The following CCNJL variants were observed in gnomAD, a reference collection of about 807,000 sequenced individuals.
CCNJL encodes cyclin J like.
CCNJL carries 33 observed loss-of-function variants against 33.4 expected under a neutral mutation model. The ratio of observed to expected loss-of-function variants is 0.99; its 90% CI spans 0.75 to 1.32. The LOEUF is 1.32. Among genes scored for constraint, CCNJL ranks in the 40% most tolerant of loss-of-function variants. The pLI is 0.00. For missense variants in CCNJL, 512 were observed against 499.7 expected, an observed-to-expected ratio of 1.02 and a Z score of -0.23; for synonymous variants, 227 against 220.9, an observed-to-expected ratio of 1.03 and a Z score of -0.24.
chr5:160,301,102 A>G (rs1398053334), intron 2 of CCNJL, among the ~76,000 whole-genome samples: 1 of 152,242 alleles, frequency 6.6e-6, no homozygotes, highest in South Asian at 2.1e-4. Context: ...CAGCAGTGCT[A>G]TATAAAATCA....
At chr5:160,296,226 C>G (rs898203946) in intron 2 of CCNJL, among the ~76,000 whole-genome samples, 8 of 152,214 alleles carry the variant, frequency 5.3e-5, no homozygotes, top group Non-Finnish European at 1.0e-4. Context: ...AGATAACATA[C>G]ACAAGGCACT....
intron 3 of CCNJL, among the ~76,000 whole-genome samples, chr5:160,265,870 A>G (rs1051468859): frequency 3.3e-5 from 5 of 152,012 alleles, no homozygotes; most frequent in Admixed American, 2.0e-4. Context: ...AAAAAAAAAA[A>G]AAAAAAGAAA....
intron 1 of CCNJL, 47 bp downstream of exon 1, chr5:160,312,317 C>T (rs1763294163): frequency 3.6e-6 from 1 of 279,642 alleles, no homozygotes; most frequent in Non-Finnish European, 6.8e-6. Flanking sequence ...GCCGCCCAGC[C>T]TTTGTCCTGC....
chr5:160,282,968 T>TATATATATAC (rs1554120710), intron 2 of CCNJL, among the ~76,000 whole-genome samples: 29 of 25,866 alleles, frequency 1.1e-3, no homozygotes, highest in Non-Finnish European at 1.9e-3. Context: ...GTCCTTGGAA[T>TATATATATAC]ATATATATAT....
chr5:160,280,978 C>G (rs1762191127), intron 2 of CCNJL: 1 of 615,916 alleles, frequency 1.6e-6, no homozygotes, highest in Non-Finnish European at 2.9e-6. Context: ...GCCAGTCATT[C>G]CTTCCCATGG....
chr5:160,305,005 G>A (rs773593823), intron 2 of CCNJL, among the ~76,000 whole-genome samples: 3 of 151,840 alleles, frequency 2.0e-5, no homozygotes, highest in Admixed American at 1.3e-4. Flanking sequence ...TAGTAGAGAC[G>A]GGGCTTCACC....
chr5:160,328,178 G>A (rs1763563538), intron 1 of CCNJL, among the ~76,000 whole-genome samples: 1 of 152,226 alleles, frequency 6.6e-6, no homozygotes, highest in Non-Finnish European at 1.5e-5. Flanking sequence ...GATTGTGAGG[G>A]ACTTTCCTGT....
chr5:160,327,636 G>T (rs1763553486), intron 1 of CCNJL, among the ~76,000 whole-genome samples: 1 of 152,198 alleles, frequency 6.6e-6, no homozygotes, highest in South Asian at 2.1e-4. Flanking sequence ...AGAGGATATG[G>T]CCCCCGTCCT....
intron 3 of CCNJL, among the ~76,000 whole-genome samples, chr5:160,272,514 C>G (rs565700294): frequency 6.6e-6 from 1 of 152,172 alleles, no homozygotes; most frequent in South Asian, 2.1e-4. Context: ...CAAAGGCTCT[C>G]GTGGCTGGGA....
chr5:160,283,069 TATGAATACTC>T (rs1395117592), intron 2 of CCNJL, among the ~76,000 whole-genome samples: 1 of 141,848 alleles, frequency 7.0e-6, no homozygotes, highest in Non-Finnish European at 1.5e-5. Context: ...AAAACTTGTA[TATGAATACTC>T]ACAGCAGCAT....
At chr5:160,299,836 AT>A (rs5872638) in intron 2 of CCNJL, among the ~76,000 whole-genome samples, 39,723 of 144,172 alleles carry the variant, frequency 0.28, 5,356 homozygotes, top group South Asian at 0.36. Flanking sequence ...AATTGCTTGG[AT>A]TTTTTTTTTT....
intron 2 of CCNJL, among the ~76,000 whole-genome samples, chr5:160,294,303 G>T (rs1762681751): frequency 6.6e-6 from 1 of 152,186 alleles, no homozygotes; most frequent in Non-Finnish European, 1.5e-5. Context: ...CAACATTCTT[G>T]AGAGGGTGGC....
chr5:160,321,012 C>CTTTCTTTCTTTCTT (rs1554124992), intron 1 of CCNJL, among the ~76,000 whole-genome samples: 3 of 71,952 alleles, frequency 4.2e-5, no homozygotes, highest in Admixed American at 1.5e-4. Context: ...CTCTCTCTCT[C>CTTTCTTTCTTTCTT]TCTTTCTTTC....
At chr5:160,262,301 G>A (rs769419671) in intron 3 of CCNJL, among the ~76,000 whole-genome samples, 4 of 152,202 alleles carry the variant, frequency 2.6e-5, no homozygotes, top group African/African-American at 7.2e-5. Context: ...TCCCCTCCTC[G>A]CTTTTCAAAC....
chr5:160,289,775 G>A (rs1360726511), intron 2 of CCNJL, among the ~76,000 whole-genome samples: 1 of 152,196 alleles, frequency 6.6e-6, no homozygotes, highest in Non-Finnish European at 1.5e-5. Context: ...CCAGGCATGT[G>A]TCTGGTCCTT....
chr5:160,276,435 A>T (rs929070683), intron 3 of CCNJL: 1 of 145,208 alleles, frequency 6.9e-6, no homozygotes, highest in African/African-American at 2.7e-5. Flanking sequence ...AAAGAAAAAG[A>T]AAAAAAAAAG....
At chr5:160,311,020 T>C (rs1017972214) in intron 2 of CCNJL, among the ~76,000 whole-genome samples, 1 of 152,158 alleles carries the variant, frequency 6.6e-6, no homozygotes, top group African/African-American at 2.4e-5. Flanking sequence ...AACCAATCCA[T>C]TCACTACTTC....
Position 160,253,589 on chromosome 5 carries a change from G to T in CCNJL, c.953C>A (p.Ser318Ter), listed in dbSNP as rs1277882613. The change falls in exon 6 of 6, where the codon TCA (serine) becomes TAA (stop). Residue 318 changes from serine (S) to a stop codon, truncating the protein, a stop_gained. Transcript: ENST00000257536. LOFTEE classifies it high-confidence loss of function. ...AYRDSLQAHR[S>*]GSLLSGSTGS... ...TGTACTCCCCGAGAGCAGGCTCCCTGAACGGTGGGCCTGCAAGGAGTCCCG... is the reference window on the plus strand; with the variant it reads ...TGTACTCCCCGAGAGCAGGCTCCCTTAACGGTGGGCCTGCAAGGAGTCCCG... 1 of 1,614,028 alleles carries T rather than the reference G, an allele frequency of 6.2e-7. No homozygotes were observed. The highest frequency in any genetic ancestry group is 1.3e-5 in the African/African-American group (1 of 75,058).
At chr5:160,316,274 A>C (rs1288796404), upstream of CCNJL, among the ~76,000 whole-genome samples, 1 of 152,180 alleles carries the variant, frequency 6.6e-6, no homozygotes, top group African/African-American at 2.4e-5. Context: ...AGCATTCATT[A>C]AGCCATTCAA....
Sources: allele counts gnomAD v4.1 joint callset (sites outside exome capture counted in the v4.1 genomes callset), GRCh38; gene constraint gnomAD v4.1.1; transcripts MANE v1.5; gene names NCBI Gene and HGNC (gene_info 2026-07-23, HGNC 2026-07-21).